KCNG2: variants seen among roughly 807,000 people sequenced by gnomAD.
The protein encoded by KCNG2 is voltage-gated potassium channel regulatory subunit KCNG2.
Under a neutral mutation model 12.3 loss-of-function variants are expected in KCNG2, and 7 were observed. That is an observed-to-expected ratio of 0.57 (90% confidence interval 0.32 to 1.07). KCNG2 has a LOEUF of 1.07. KCNG2 is among the 50% of genes least tolerant of loss of function. The pLI is 0.04. For synonymous variants in KCNG2, 414 were observed against 351.4 expected, an observed-to-expected ratio of 1.18 and a Z score of -1.99; for missense variants, 703 against 726.0, an observed-to-expected ratio of 0.97 and a Z score of 0.36.
chr18:79,819,937 G>A (rs77711365), intron 1 of KCNG2, among the ~76,000 whole-genome samples: 1 of 152,230 alleles, frequency 6.6e-6, no homozygotes, highest in African/African-American at 2.4e-5. Context: ...TCATGTAGGT[G>A]AATCACACAG....
In KCNG2 at chr18:79,852,337, C is replaced by G. The variant is rs144411793; in HGVS notation, c.-114-4042C>G. ...CAGCGCAAACGATGCCTGCTCTGAACAGTTCAACCCCATGAGGAACATTTT... is the reference window on the plus strand; with the variant it reads ...CAGCGCAAACGATGCCTGCTCTGAAGAGTTCAACCCCATGAGGAACATTTT... On this transcript the variant is annotated intron_variant, in intron 1 of 3. Transcript: ENST00000316249. Among the ~76,000 whole-genome samples the G allele has an allele frequency of 2.0e-4, 31 of 152,388 alleles. 1 individual carries two copies. The East Asian group carries it at 5.6e-3, about 27-fold the overall frequency.
chr18:79,872,028 C>T (rs571382168), intron 3 of KCNG2, among the ~76,000 whole-genome samples: 30 of 152,206 alleles, frequency 2.0e-4, no homozygotes, highest in Non-Finnish European at 8.8e-5. Flanking sequence ...TGCGGCCGGC[C>T]GCACACCCCT....
intron 3 of KCNG2, among the ~76,000 whole-genome samples, chr18:79,896,411 A>C (rs1483827652): frequency 1.3e-5 from 2 of 151,988 alleles, no homozygotes; most frequent in Admixed American, 6.6e-5. Flanking sequence ...AGCTGTATTC[A>C]CTTTTCTCCC....
rs191912511 is a variant in KCNG2 at position 79,836,340 on chromosome 18, T to C, written c.-114-20039T>C. Among the ~76,000 whole-genome samples, 238 of 152,314 alleles carry C rather than the reference T, an allele frequency of 1.6e-3. 1 individual carries two copies. Among genetic ancestry groups the C allele is most frequent in the African/African-American group, 5.3e-3 (220 of 41,566 alleles). ...GAGGACATAGCAATTCTAATGTATA[T>C]GCACAAACAACAGAGCTGCAAAATA... On this transcript the variant is annotated intron_variant, in intron 1 of 3. Transcript: ENST00000316249.
intron 1 of KCNG2, among the ~76,000 whole-genome samples, chr18:79,852,958 A>T (rs1978877474): frequency 6.6e-6 from 1 of 152,188 alleles, no homozygotes; most frequent in Non-Finnish European, 1.5e-5. Context: ...AGTGCAGACC[A>T]GTTCCACCCA....
intron 3 of KCNG2, among the ~76,000 whole-genome samples, chr18:79,879,898 C>T (rs1980227924): frequency 6.6e-6 from 1 of 152,138 alleles, no homozygotes; most frequent in Admixed American, 6.5e-5. Flanking sequence ...AGGAAGGGGC[C>T]CCCTGGGTCG....
chr18:79,878,653 T>C (rs983572527), intron 3 of KCNG2, among the ~76,000 whole-genome samples: 18 of 152,264 alleles, frequency 1.2e-4, no homozygotes, highest in African/African-American at 4.3e-4. Context: ...TTTTTTCTAA[T>C]AAAAATAATA....
intron 3 of KCNG2, among the ~76,000 whole-genome samples, chr18:79,888,729 C>G (rs1038301605): frequency 6.6e-6 from 1 of 151,996 alleles, no homozygotes; most frequent in Non-Finnish European, 1.5e-5. Context: ...CTCACTCTGT[C>G]GCCCAGGTGA....
intron 3 of KCNG2, among the ~76,000 whole-genome samples, chr18:79,883,697 T>C (rs1032090939): frequency 5.3e-5 from 8 of 152,206 alleles, no homozygotes; most frequent in African/African-American, 1.9e-4. Context: ...GGTGAAGACA[T>C]GTCTGTCTGG....
chr18:79,872,283 T>TTTTTTTG (rs1979870703), intron 3 of KCNG2, among the ~76,000 whole-genome samples: 2 of 95,058 alleles, frequency 2.1e-5, no homozygotes, highest in Non-Finnish European at 4.8e-5. Flanking sequence ...AGCTTCAGTT[T>TTTTTTTG]TTTTTTTTTT....
At chr18:79,871,828 T>C (rs910872654) in intron 3 of KCNG2, among the ~76,000 whole-genome samples, 1 of 152,226 alleles carries the variant, frequency 6.6e-6, no homozygotes, top group Non-Finnish European at 1.5e-5. Flanking sequence ...CTGCGGCTGC[T>C]CTTTACCAGG....
chr18:79,890,031 T>C (rs1186569300), intron 3 of KCNG2, among the ~76,000 whole-genome samples: 1 of 152,262 alleles, frequency 6.6e-6, no homozygotes, highest in Non-Finnish European at 1.5e-5. Flanking sequence ...TAAGTGATTT[T>C]CAGATGTTAA....
chr18:79,870,332 C>T (rs568062870), intron 3 of KCNG2, among the ~76,000 whole-genome samples: 2 of 152,288 alleles, frequency 1.3e-5, no homozygotes, highest in East Asian at 1.9e-4. Flanking sequence ...ATTGCAATGA[C>T]GTGGTGTGGT....
chr18:79,827,420 T>C (rs1035016386), intron 1 of KCNG2, among the ~76,000 whole-genome samples: 1 of 152,202 alleles, frequency 6.6e-6, no homozygotes. Flanking sequence ...GGAGAGGTCA[T>C]CTGGCCCCAG....
At chr18:79,873,430 C>A (rs955571883) in intron 3 of KCNG2, among the ~76,000 whole-genome samples, 27 of 143,450 alleles carry the variant, frequency 1.9e-4, no homozygotes, top group African/African-American at 6.6e-4. Flanking sequence ...CCCCCCTCCC[C>A]CCCCCCCAGC....
In KCNG2 at chr18:79,884,706, G is replaced by T. The variant is rs920771294; in HGVS notation, c.625-14334G>T. 6.6e-6 allele frequency among the ~76,000 whole-genome samples: 1 copy of T among 152,204 alleles called. No homozygotes were observed. The highest frequency in any genetic ancestry group is 1.5e-5 in the Non-Finnish European group (1 of 68,032). On this transcript the variant is annotated intron_variant, in intron 3 of 3. Transcript: ENST00000316249. The surrounding 1 kb of genome is among the most constrained non-coding windows in gnomAD (Gnocchi z 5.5). ...GGACACGCCCAAGGCCCACAGACACGTGGCTTCGTGATGGGGAGCCACGGG... is the reference window on the plus strand; with the variant it reads ...GGACACGCCCAAGGCCCACAGACACTTGGCTTCGTGATGGGGAGCCACGGG...
rs375465548 is a variant in KCNG2 at position 79,834,565 on chromosome 18, C to T, written c.-114-21814C>T. On this transcript the variant is annotated intron_variant, in intron 1 of 3. Coordinates refer to ENST00000316249, the MANE Select transcript of KCNG2 (RefSeq NM_012283.2). ...GGGTCCACCGAGCTCTGGGAGCCCACGCTATTTAATGGTACTCAAACAAAC... is the reference window on the plus strand; with the variant it reads ...GGGTCCACCGAGCTCTGGGAGCCCATGCTATTTAATGGTACTCAAACAAAC... 3.0e-4 allele frequency among the ~76,000 whole-genome samples: 45 copies of T among 152,284 alleles called. No individual in the cohort carries two copies. The Middle Eastern group carries it at 0.01, about 35-fold the overall frequency.
At chr18:79,809,626 C>A (rs2087478743) in intron 1 of KCNG2, among the ~76,000 whole-genome samples, 1 of 151,986 alleles carries the variant, frequency 6.6e-6, no homozygotes, top group South Asian at 2.1e-4. Context: ...AGTCCTCGCC[C>A]TGAGGAGCTG....
At chr18:79,878,020 T>G (rs979387525) in intron 3 of KCNG2, among the ~76,000 whole-genome samples, 2 of 152,236 alleles carry the variant, frequency 1.3e-5, no homozygotes, top group African/African-American at 4.8e-5. Flanking sequence ...CCCCACACTG[T>G]CCGTCCCACG....
Sources: gnomAD v4.1 joint callset for allele counts (sites outside exome capture counted in the v4.1 genomes callset) on GRCh38, gnomAD v4.1.1 for gene constraint, Gnocchi (gnomAD v3.1) non-coding constraint, MANE v1.5 for transcripts, NCBI Gene and HGNC (gene_info 2026-07-23, HGNC 2026-07-21) for gene names.